Variants in VAT1L observed in about 807,000 individuals in gnomAD.
VAT1L encodes vesicle amine transport 1 like, also known as putative NADPH-dependent quinone oxidoreductase VAT1L.
VAT1L carries 34 observed loss-of-function variants against 44.1 expected under a neutral mutation model. The observed-to-expected ratio is 0.77, with a 90% confidence interval of 0.59 to 1.03. VAT1L has a LOEUF of 1.03. Ranked by LOEUF, VAT1L falls within the 50% of genes least tolerant of loss-of-function variation. The pLI is 0.00. For synonymous variants in VAT1L, 253 were observed against 202.2 expected (o/e 1.25, Z -2.13); for missense variants, 615 against 538.8 (o/e 1.14, Z -1.40).
At chr16:77,859,149 A>AT in intron 3 of VAT1L, among the ~76,000 whole-genome samples, 1 of 151,916 alleles carries the variant, frequency 6.6e-6, no homozygotes, top group Non-Finnish European at 1.5e-5. Context: ...AAAAAAAAAA[A>AT]ACTATTTGGG....
rs777907129 is a variant in VAT1L, at chr16:77,816,962, T to C, written c.275T>C (p.Ile92Thr). 9.3e-6 allele frequency: 15 copies of C among 1,613,896 alleles called. No individual in the cohort carries two copies. The highest frequency in any genetic ancestry group is 4.0e-5 in the African/African-American group (3 of 74,910). Reference protein sequence around the residue: ...FIDLMVRQGNIDNPPKTPLVP... With the variant: ...FIDLMVRQGNTDNPPKTPLVP... Reference sequence around the variant, plus strand: ...GACTTGATGGTGCGACAAGGGAATATTGACAACCCTCCCAAGACTCCCCTG... The same window carrying C: ...GACTTGATGGTGCGACAAGGGAATACTGACAACCCTCCCAAGACTCCCCTG... The change falls in exon 2 of 9, where the codon ATT (isoleucine) becomes ACT (threonine). Residue 92 changes from isoleucine to threonine, a missense_variant. Coordinates refer to ENST00000302536, the MANE Select transcript of VAT1L (RefSeq NM_020927.3).
intron 3 of VAT1L, among the ~76,000 whole-genome samples, chr16:77,857,929 C>G (rs907024870): frequency 3.3e-5 from 5 of 151,350 alleles, no homozygotes; most frequent in African/African-American, 1.2e-4. Flanking sequence ...TAATTAAATG[C>G]ACGCTTTACT....
chr16:77,834,813 TG>T (rs1294108219), intron 3 of VAT1L, among the ~76,000 whole-genome samples: 1 of 152,228 alleles, frequency 6.6e-6, no homozygotes, highest in Non-Finnish European at 1.5e-5. Context: ...ATTAATGGCC[TG>T]GGCCCTGGAG....
chr16:77,975,519 G>C (rs417232), intron 8 of VAT1L, among the ~76,000 whole-genome samples: 150,560 of 152,262 alleles, frequency 0.99, 74,462 homozygotes, highest in Middle Eastern at 1. Context: ...GCCATGACCA[G>C]TCTCAGCCCT....
In VAT1L at chr16:77,978,685, AG is replaced by A. The variant is rs1451064886; in HGVS notation, c.*993del. 2 of 152,224 alleles carry A rather than the reference AG, an allele frequency of 1.3e-5. No individual in the cohort carries two copies. Among genetic ancestry groups the A allele is most frequent in the African/African-American group, 4.8e-5 (2 of 41,462 alleles). The allele number at this position is 152,224 out of a possible 1,614,324, so 9.4% of individuals were successfully genotyped here. A position where few individuals can be genotyped will look rare whatever the true frequency, so the allele number is the denominator to read the frequency against. On this transcript the variant is annotated 3_prime_UTR_variant, in exon 9 of 9. Coordinates refer to ENST00000302536, the MANE Select transcript of VAT1L (RefSeq NM_020927.3). ...CATGTCCCAACATGTAACAAACTCTAGGGATACAAAAGGTTTATATTCAGCA... is the reference window on the plus strand; with the variant it reads ...CATGTCCCAACATGTAACAAACTCTAGGATACAAAAGGTTTATATTCAGCA...
intron 7 of VAT1L, among the ~76,000 whole-genome samples, chr16:77,946,279 C>CTTTTTTTTTCTTTTTTTTTT (rs2017963977): frequency 1.4e-5 from 1 of 70,428 alleles, no homozygotes. Flanking sequence ...GTTACTTGTT[C>CTTTTTTTTTCTTTTTTTTTT]TTTTTTTTTT....
intron 3 of VAT1L, among the ~76,000 whole-genome samples, chr16:77,836,117 A>G (rs1274466887): frequency 1.3e-5 from 2 of 152,076 alleles, no homozygotes; most frequent in Non-Finnish European, 2.9e-5. Flanking sequence ...CTGAACACCC[A>G]CTGATTTCTG....
At chr16:77,828,854 T>C (rs967978754) in intron 3 of VAT1L, among the ~76,000 whole-genome samples, 1 of 152,124 alleles carries the variant, frequency 6.6e-6, no homozygotes, top group African/African-American at 2.4e-5. Flanking sequence ...AATACAACCC[T>C]GCTAAGACCT....
intron 3 of VAT1L, among the ~76,000 whole-genome samples, chr16:77,837,185 C>A (rs1411964208): frequency 5.3e-5 from 8 of 152,090 alleles, no homozygotes; most frequent in Admixed American, 5.2e-4. Flanking sequence ...TTTTGTTGGT[C>A]GACTTTGCCT....
Position 77,907,971 on chromosome 16 carries a change from G to A in VAT1L, c.1077+23169G>A, listed in dbSNP as rs146431331. On this transcript the variant is annotated intron_variant, in intron 7 of 8. Transcript: ENST00000302536. ...AAGCCATCAAAAGGGCTGGACACGG[G>A]GGCTCACGCCTGTAATCCCAGCACT... Among the ~76,000 whole-genome samples the A allele has an allele frequency of 8.8e-3, 1,335 of 152,182 alleles. 35 individuals carry two copies. The highest frequency in any genetic ancestry group is 0.058 in the Admixed American group (888 of 15,280).
chr16:77,968,542 G>C (rs1446088449), intron 7 of VAT1L, among the ~76,000 whole-genome samples: 2 of 152,110 alleles, frequency 1.3e-5, no homozygotes. Flanking sequence ...TAGCTAACAA[G>C]GTGAAACCCC....
At chr16:77,953,984 C>T (rs1200688813) in intron 7 of VAT1L, among the ~76,000 whole-genome samples, 1 of 152,142 alleles carries the variant, frequency 6.6e-6, no homozygotes, top group African/African-American at 2.4e-5. Flanking sequence ...GTGGGTTGCT[C>T]TTGTAACCTG....
chr16:77,888,348 C>T (rs1404097992), intron 7 of VAT1L, among the ~76,000 whole-genome samples: 1 of 152,184 alleles, frequency 6.6e-6, no homozygotes, highest in African/African-American at 2.4e-5. Context: ...ATTCCAGACC[C>T]CAGTGCCTGG....
intron 1 of VAT1L, among the ~76,000 whole-genome samples, chr16:77,806,619 A>G (rs557548468): frequency 6.6e-6 from 1 of 152,366 alleles, no homozygotes; most frequent in East Asian, 1.9e-4. Flanking sequence ...TTGGGATTAC[A>G]GGCGTGAGCC....
At chr16:77,808,425 C>G (rs916657354) in intron 1 of VAT1L, among the ~76,000 whole-genome samples, 4 of 152,184 alleles carry the variant, frequency 2.6e-5, no homozygotes, top group Non-Finnish European at 4.4e-5. Flanking sequence ...AATAGAAATA[C>G]AATGCACAGT....
chr16:77,823,792 G>T (rs1350918872), intron 2 of VAT1L, among the ~76,000 whole-genome samples: 1 of 152,168 alleles, frequency 6.6e-6, no homozygotes, highest in Non-Finnish European at 1.5e-5. Flanking sequence ...GCCAAGGCGG[G>T]TGGATCACTG....
chr16:77,890,943 T>C (rs1287365830), intron 7 of VAT1L, among the ~76,000 whole-genome samples: 2 of 147,220 alleles, frequency 1.4e-5, no homozygotes, highest in Non-Finnish European at 3.0e-5. Flanking sequence ...AAAAAGACAT[T>C]ATCTTTACTA....
At chr16:77,942,060 A>G (rs2017891820) in intron 7 of VAT1L, among the ~76,000 whole-genome samples, 1 of 152,084 alleles carries the variant, frequency 6.6e-6, no homozygotes, top group African/African-American at 2.4e-5. Context: ...GCATTTCTCT[A>G]ATGATTAGTG....
chr16:77,803,620 T>A (rs957178822), intron 1 of VAT1L, among the ~76,000 whole-genome samples: 3 of 151,930 alleles, frequency 2.0e-5, no homozygotes, highest in Non-Finnish European at 4.4e-5. Flanking sequence ...GGGGTTTCAC[T>A]GTGTTAGCCA....
Sources: allele counts gnomAD v4.1 joint callset (sites outside exome capture counted in the v4.1 genomes callset), GRCh38; gene constraint gnomAD v4.1.1; transcripts MANE v1.5; gene names NCBI Gene and HGNC (gene_info 2026-07-23, HGNC 2026-07-21).